COL5A2: variants seen among roughly 807,000 people sequenced by gnomAD.
The protein encoded by COL5A2 is collagen type V alpha 2 chain.
A neutral mutation model predicts 208.2 loss-of-function variants in COL5A2; 23 were observed. The ratio of observed to expected loss-of-function variants is 0.11; its 90% CI spans 0.08 to 0.16. COL5A2 has a LOEUF of 0.16. COL5A2 is among the 10% of genes least tolerant of loss of function. The probability of loss-of-function intolerance (pLI) is 1.00; values close to 1 mark genes in which losing one functional copy is unlikely to be tolerated. For missense variants in COL5A2, 1,590 were observed against 1,956.4 expected, an observed-to-expected ratio of 0.81 and a Z score of 3.53; for synonymous variants, 625 against 628.5, an observed-to-expected ratio of 0.99 and a Z score of 0.08.
intron 1 of COL5A2, among the ~76,000 whole-genome samples, chr2:189,219,973 T>C (rs1689327112): frequency 6.6e-6 from 1 of 152,186 alleles, no homozygotes; most frequent in Admixed American, 6.5e-5. Flanking sequence ...CACATTTTCA[T>C]TGTGCACTAA....
chr2:189,058,788 A>G, intron 32 of COL5A2, 61 bp downstream of exon 32: 1 of 1,427,716 alleles, frequency 7.0e-7, no homozygotes, highest in Non-Finnish European at 9.8e-7. Context: ...ATTTTAAAAG[A>G]CACCTTTTAA....
chr2:189,053,329 C>A, intron 38 of COL5A2, 95 bp downstream of exon 38: 1 of 1,162,446 alleles, frequency 8.6e-7, no homozygotes, highest in Non-Finnish European at 1.3e-6. Flanking sequence ...GTAAATTTTC[C>A]AGAATACGAC....
chr2:189,390,374 G>C, the COL5A2 span, among the ~76,000 whole-genome samples: 2 of 152,160 alleles, frequency 1.3e-5, no homozygotes, highest in South Asian at 4.1e-4. Context: ...AATCTGTCAA[G>C]ATGATTGAAA....
the COL5A2 span, among the ~76,000 whole-genome samples, chr2:189,383,441 C>A: frequency 6.6e-6 from 1 of 152,076 alleles, no homozygotes; most frequent in Admixed American, 6.6e-5. Flanking sequence ...GACCCCATCT[C>A]TAAATACAGT....
intron 1 of COL5A2, among the ~76,000 whole-genome samples, chr2:189,142,362 AT>A (rs1164159345): frequency 2.0e-5 from 3 of 152,020 alleles, no homozygotes; most frequent in Non-Finnish European, 4.4e-5. Context: ...GCTCACCATA[AT>A]TATAAATTTT....
chr2:189,266,725 T>A, the COL5A2 span, among the ~76,000 whole-genome samples: 1 of 151,994 alleles, frequency 6.6e-6, no homozygotes, highest in South Asian at 2.1e-4. Flanking sequence ...TGTGAATATA[T>A]GAAAAAATAC....
chr2:189,123,076 C>T (rs999676890), intron 1 of COL5A2, among the ~76,000 whole-genome samples: 2 of 152,034 alleles, frequency 1.3e-5, no homozygotes, highest in African/African-American at 4.8e-5. Flanking sequence ...GTGATTCTCC[C>T]ACCTCAACCT....
At chr2:189,121,918 T>C (rs959714000) in intron 1 of COL5A2, among the ~76,000 whole-genome samples, 3 of 152,102 alleles carry the variant, frequency 2.0e-5, no homozygotes, top group East Asian at 3.9e-4. Flanking sequence ...AAGTAAGATA[T>C]TAAATACCCA....
At chr2:189,182,651 T>C (rs549051591), upstream of COL5A2, among the ~76,000 whole-genome samples, 1 of 152,198 alleles carries the variant, frequency 6.6e-6, no homozygotes, top group Admixed American at 6.5e-5. Context: ...TTGCTAAATA[T>C]TCAGGAAGAA....
chr2:189,191,013 A>G (rs1213428446), intron 1 of COL5A2, among the ~76,000 whole-genome samples: 1 of 152,128 alleles, frequency 6.6e-6, no homozygotes, highest in Non-Finnish European at 1.5e-5. Flanking sequence ...AGAACAGCGT[A>G]TGATAAAAGG....
At chr2:189,243,106 G>C in the COL5A2 span, among the ~76,000 whole-genome samples, 8 of 152,142 alleles carry the variant, frequency 5.3e-5, no homozygotes, top group Non-Finnish European at 1.2e-4. Context: ...GAGCAGCTTA[G>C]GAATGTTGAA....
the COL5A2 span, among the ~76,000 whole-genome samples, chr2:189,380,300 T>A: frequency 6.6e-6 from 1 of 151,998 alleles, no homozygotes; most frequent in Admixed American, 6.5e-5. Context: ...ACACATAAAG[T>A]TTTTCTTTTC....
At chr2:189,359,558 A>G in the COL5A2 span, among the ~76,000 whole-genome samples, 1 of 152,112 alleles carries the variant, frequency 6.6e-6, no homozygotes, top group Non-Finnish European at 1.5e-5. Flanking sequence ...TCTGGTTTTG[A>G]TATCAGGGTA....
chr2:189,051,471 C>G lies in COL5A2; in HGVS notation c.2780G>C (p.Gly927Ala), dbSNP rs887006122. Residue 927 changes from glycine (G) to alanine (A), a missense_variant, in exon 42 of 54, where the codon GGA becomes GCA. By Grantham distance (60) the Gly-to-Ala change is moderately conservative. Transcript: ENST00000374866. ...VGPPGPAGAP[G>A]PAGPLGEPGK... ...GGGTTCCCCTAGGGGTCCCGCAGGT[C>G]CTGGAGCTCCCTAGTATAACAAAGA... The G allele has an allele frequency of 1.2e-6, 2 of 1,607,120 alleles. No homozygotes were observed. Among genetic ancestry groups the G allele is most frequent in the East Asian group, 2.2e-5 (1 of 44,732 alleles).
the COL5A2 span, among the ~76,000 whole-genome samples, chr2:189,437,292 A>T: frequency 6.6e-6 from 1 of 152,192 alleles, no homozygotes; most frequent in East Asian, 1.9e-4. Flanking sequence ...ATTATTTTTT[A>T]AAGTAGTACT....
At chr2:189,136,194 T>C (rs1362110925) in intron 1 of COL5A2, among the ~76,000 whole-genome samples, 2 of 152,332 alleles carry the variant, frequency 1.3e-5, no homozygotes, top group East Asian at 3.9e-4. Context: ...GCTACACATG[T>C]TCATAGGAAA....
At chr2:189,107,871 G>A (rs1019542559) in intron 2 of COL5A2, among the ~76,000 whole-genome samples, 2 of 151,618 alleles carry the variant, frequency 1.3e-5, no homozygotes, top group Admixed American at 1.3e-4. Context: ...CCACTAAAAT[G>A]AGCAATGATA....
At chr2:189,350,297 T>C in the COL5A2 span, among the ~76,000 whole-genome samples, 1 of 152,124 alleles carries the variant, frequency 6.6e-6, no homozygotes, top group Non-Finnish European at 1.5e-5. Flanking sequence ...TGGAACAAAA[T>C]GAAGGTCAAT....
In COL5A2 at chr2:189,068,730, T is replaced by C. The variant is rs548710639; in HGVS notation, c.1257+56A>G. On this transcript the variant is annotated intron_variant, in intron 19 of 53. Transcript: ENST00000374866. ...AAAAAATAGGTTGAATTTGTTCTGA[T>C]GTTACAAGAAATGTCCAGCTTTCTG... The C allele has an allele frequency of 8.9e-5, 107 of 1,207,250 alleles. No individual in the cohort carries two copies. The South Asian group carries it at 1.1e-3, about 13-fold the overall frequency. 74.8% of individuals were successfully genotyped at this position (1,207,250 alleles called of 1,614,324 possible).
Sources: gnomAD v4.1 joint callset for allele counts (sites outside exome capture counted in the v4.1 genomes callset) on GRCh38, gnomAD v4.1.1 for gene constraint, MANE v1.5 for transcripts, NCBI Gene and HGNC (gene_info 2026-07-23, HGNC 2026-07-21) for gene names.